Variants in UBE2U observed in about 807,000 individuals in gnomAD.
The protein encoded by UBE2U is ubiquitin conjugating enzyme E2 U.
Under a neutral mutation model 41.2 loss-of-function variants are expected in UBE2U, and 39 were observed. That is an observed-to-expected ratio of 0.95 (90% CI 0.73 to 1.24). The LOEUF (loss-of-function observed/expected upper bound fraction) is 1.24. UBE2U is among the 50% of genes most tolerant of loss of function. The pLI is 0.00. For synonymous variants in UBE2U, 107 were observed against 117.8 expected (o/e 0.91, Z 0.60); for missense variants, 336 against 363.1 (o/e 0.93, Z 0.61).
intron 3 of UBE2U, among the ~76,000 whole-genome samples, chr1:64,208,927 A>G (rs1387710926): frequency 6.6e-6 from 1 of 152,196 alleles, no homozygotes; most frequent in Non-Finnish European, 1.5e-5. Flanking sequence ...TTGAACAATA[A>G]AATGTAAAAT....
chr1:64,252,432 C>A (rs556811748), intron 8 of UBE2U, among the ~76,000 whole-genome samples: 14 of 152,302 alleles, frequency 9.2e-5, no homozygotes, highest in Admixed American at 2.6e-4. Flanking sequence ...GGTCCTTGAT[C>A]CTGTTCCTCC....
intron 8 of UBE2U, among the ~76,000 whole-genome samples, chr1:64,245,563 G>A (rs1043196973): frequency 2.0e-5 from 3 of 152,154 alleles, no homozygotes; most frequent in Non-Finnish European, 4.4e-5. Flanking sequence ...TAGGTATAGA[G>A]GGAACCGGAA....
chr1:64,204,144 G>A, intron 1 of UBE2U, 28 bp downstream of exon 1: 1 of 1,594,474 alleles, frequency 6.3e-7, no homozygotes, highest in Non-Finnish European at 8.6e-7. Flanking sequence ...GGAGAGATGT[G>A]TTTCATTGTG....
chr1:64,247,374 T>C (rs1432519939), intron 8 of UBE2U, among the ~76,000 whole-genome samples: 4 of 152,066 alleles, frequency 2.6e-5, no homozygotes, highest in Non-Finnish European at 4.4e-5. Flanking sequence ...GTCACAAACA[T>C]ATATGGTGCT....
chr1:64,211,157 C>T (rs1651641166), intron 4 of UBE2U, among the ~76,000 whole-genome samples: 1 of 152,200 alleles, frequency 6.6e-6, no homozygotes. Flanking sequence ...AACTTCACTT[C>T]CTGATGTTGA....
At chr1:64,224,966 CACAA>C (rs946726364) in intron 6 of UBE2U, among the ~76,000 whole-genome samples, 1 of 147,240 alleles carries the variant, frequency 6.8e-6, no homozygotes, top group Non-Finnish European at 1.5e-5. Context: ...CACACACACA[CACAA>C]CTGAAAGGCA....
chr1:64,245,764 C>CTTGT (rs1185272007), intron 8 of UBE2U, among the ~76,000 whole-genome samples: 1 of 152,060 alleles, frequency 6.6e-6, no homozygotes, highest in Non-Finnish European at 1.5e-5. Flanking sequence ...TGTTGACAGC[C>CTTGT]CAAGACCTGA....
At chr1:64,259,292 A>G (rs987251000) in intron 8 of UBE2U, among the ~76,000 whole-genome samples, 2 of 152,000 alleles carry the variant, frequency 1.3e-5, no homozygotes, top group African/African-American at 2.4e-5. Context: ...CTCTGATGGT[A>G]GTTTCTTTTG....
chr1:64,233,529 A>T (rs1453827290), intron 7 of UBE2U, among the ~76,000 whole-genome samples: 1 of 152,160 alleles, frequency 6.6e-6, no homozygotes, highest in African/African-American at 2.4e-5. Context: ...TACTTCCTTT[A>T]CCCCAGAGAA....
chr1:64,242,907 C>A (rs35804150), intron 8 of UBE2U, among the ~76,000 whole-genome samples: 25,664 of 152,074 alleles, frequency 0.17, 2,872 homozygotes, highest in Non-Finnish European at 0.25. Flanking sequence ...TTTGACGTGA[C>A]TTCCTTTTTT....
intron 4 of UBE2U, among the ~76,000 whole-genome samples, chr1:64,213,163 C>T (rs1651762464): frequency 6.6e-6 from 1 of 152,154 alleles, no homozygotes; most frequent in Admixed American, 6.5e-5. Context: ...CTAATCCTCA[C>T]ACCTAGACTC....
At chr1:64,218,321 C>T (rs1043951087) in intron 5 of UBE2U, among the ~76,000 whole-genome samples, 1 of 151,834 alleles carries the variant, frequency 6.6e-6, no homozygotes, top group Non-Finnish European at 1.5e-5. Context: ...GCTCGAGTTA[C>T]GTACCTCTTT....
At chr1:64,255,574 AC>A (rs1386109808) in intron 8 of UBE2U, among the ~76,000 whole-genome samples, 1 of 152,184 alleles carries the variant, frequency 6.6e-6, no homozygotes, top group East Asian at 1.9e-4. Flanking sequence ...CTTATCCACC[AC>A]AATCAAGTTG....
chr1:64,224,365 G>A (rs776978415), intron 6 of UBE2U, among the ~76,000 whole-genome samples: 95 of 152,198 alleles, frequency 6.2e-4, no homozygotes, highest in Non-Finnish European at 1.1e-3. Flanking sequence ...GTAAACATTG[G>A]TTTAGGCAAT....
chr1:64,243,518 C>T (rs1644869932), intron 8 of UBE2U, among the ~76,000 whole-genome samples: 1 of 152,014 alleles, frequency 6.6e-6, no homozygotes, highest in South Asian at 2.1e-4. Flanking sequence ...ATTGTGCATG[C>T]CATATTAAGC....
Position 64,208,087 on chromosome 1 carries a change from A to G in UBE2U, c.241+1231A>G, listed in dbSNP as rs373799474. On this transcript the variant is annotated intron_variant, in intron 3 of 9. Transcript: ENST00000371077. ...ATAAAAGCAAATTAAAACAAAAAGTATTGTTATTTATCACATATTCATAAA... is the reference window on the plus strand; with the variant it reads ...ATAAAAGCAAATTAAAACAAAAAGTGTTGTTATTTATCACATATTCATAAA... Among the ~76,000 whole-genome samples, 237 of 152,330 alleles carry G rather than the reference A, an allele frequency of 1.6e-3. 1 individual carries two copies. The highest frequency in any genetic ancestry group is 5.5e-3 in the African/African-American group (229 of 41,574).
chr1:64,207,107 G>T (rs113438415), intron 3 of UBE2U, among the ~76,000 whole-genome samples: 14 of 152,170 alleles, frequency 9.2e-5, no homozygotes, highest in African/African-American at 3.4e-4. Context: ...TACAGTTGAG[G>T]TATTATGCAT....
chr1:64,229,659 AG>A (rs1259171330), intron 6 of UBE2U, among the ~76,000 whole-genome samples: 3 of 152,200 alleles, frequency 2.0e-5, no homozygotes, highest in Non-Finnish European at 4.4e-5. Flanking sequence ...AGAGATATTT[AG>A]GGGTTTAATT....
chr1:64,263,750 G>A (rs1645213479), intron 9 of UBE2U, among the ~76,000 whole-genome samples: 1 of 152,218 alleles, frequency 6.6e-6, no homozygotes, highest in Non-Finnish European at 1.5e-5. Flanking sequence ...GCAGGTGGGA[G>A]GGAAGTTGAG....
Sources: allele counts gnomAD v4.1 joint callset (sites outside exome capture counted in the v4.1 genomes callset), GRCh38; gene constraint gnomAD v4.1.1; transcripts MANE v1.5; gene names NCBI Gene and HGNC (gene_info 2026-07-23, HGNC 2026-07-21).